Variants in RXRG observed in about 807,000 individuals in gnomAD.
RXRG encodes retinoid X receptor gamma.
A neutral mutation model predicts 49.2 loss-of-function variants in RXRG; 19 were observed. The ratio of observed to expected loss-of-function variants is 0.39; its 90% CI spans 0.27 to 0.57. The LOEUF (loss-of-function observed/expected upper bound fraction) is 0.57. RXRG is among the 20% of genes least tolerant of loss of function. RXRG has a pLI of 0.64. For synonymous variants in RXRG, 224 were observed against 216.6 expected, an observed-to-expected ratio of 1.03 and a Z score of -0.30; for missense variants, 452 against 592.5, an observed-to-expected ratio of 0.76 and a Z score of 2.46.
At chr1:165,426,472 G>A (rs765984966) in intron 2 of RXRG, among the ~76,000 whole-genome samples, 14 of 152,096 alleles carry the variant, frequency 9.2e-5, no homozygotes, top group African/African-American at 2.9e-4. Flanking sequence ...CTCTAAGGCC[G>A]TCTCCAAATT....
At chr1:165,443,387 T>C (rs887903922) in intron 1 of RXRG, among the ~76,000 whole-genome samples, 1 of 152,032 alleles carries the variant, frequency 6.6e-6, no homozygotes. Flanking sequence ...TTGAGGAGGC[T>C]TTTCACATCT....
chr1:165,416,225 A>G (rs1658122625), intron 4 of RXRG, among the ~76,000 whole-genome samples: 1 of 152,060 alleles, frequency 6.6e-6, no homozygotes, highest in Non-Finnish European at 1.5e-5. Flanking sequence ...TCTAAAATCT[A>G]TTAAGATTCA....
At chr1:165,428,525 G>A (rs1468101439) in intron 2 of RXRG, among the ~76,000 whole-genome samples, 194 bp downstream of exon 2, 5 of 152,218 alleles carry the variant, frequency 3.3e-5, no homozygotes, top group Admixed American at 1.3e-4. Context: ...ATGAGGAGTT[G>A]TCAGTTCTTC....
chr1:165,427,601 C>T (rs923476341), intron 2 of RXRG, among the ~76,000 whole-genome samples: 5 of 152,142 alleles, frequency 3.3e-5, no homozygotes, highest in Non-Finnish European at 7.3e-5. Flanking sequence ...TGCCACCACA[C>T]CGGGCTAATT....
intron 2 of RXRG, 26 bp from the exon 3 acceptor site, chr1:165,420,040 G>A (rs902225785): frequency 5.2e-6 from 8 of 1,550,132 alleles, no homozygotes; most frequent in African/African-American, 2.7e-5. Flanking sequence ...ATACTGTAAA[G>A]CACAGAGCCA....
At chr1:165,440,833 G>T (rs1658960300) in intron 1 of RXRG, among the ~76,000 whole-genome samples, 1 of 152,092 alleles carries the variant, frequency 6.6e-6, no homozygotes, top group Non-Finnish European at 1.5e-5. Flanking sequence ...GAAGAGGTGG[G>T]GCATTTAGAT....
In RXRG at chr1:165,425,181, T is replaced by C. The variant is rs193156635; in HGVS notation, c.297+3538A>G. ...TCTGAAGATGAATTGACTGGCCATG[T>C]TTGGCTCAATCAGACTTGAGTGTGG... is the stretch of plus-strand genomic sequence containing the variant. On this transcript the variant is annotated intron_variant, in intron 2 of 9. Coordinates refer to ENST00000359842, the MANE Select transcript of RXRG (RefSeq NM_006917.5). Among the ~76,000 whole-genome samples, 5 of 152,362 alleles carry C rather than the reference T, an allele frequency of 3.3e-5. No individual in the cohort carries two copies. The East Asian group carries it at 9.6e-4, about 29-fold the overall frequency.
chr1:165,413,516 A>G (rs999276027), intron 4 of RXRG, among the ~76,000 whole-genome samples: 3 of 152,076 alleles, frequency 2.0e-5, no homozygotes, highest in Non-Finnish European at 2.9e-5. Context: ...TGCACCCACA[A>G]TGGCTCCTCC....
chr1:165,420,923 G>A (rs1004486957), intron 2 of RXRG, among the ~76,000 whole-genome samples: 4 of 152,230 alleles, frequency 2.6e-5, no homozygotes, highest in South Asian at 2.1e-4. Flanking sequence ...ATGCATGTTC[G>A]TAATTGTCCA....
chr1:165,406,786 C>A (rs781199633), intron 9 of RXRG, 26 bp downstream of exon 9: 1 of 1,539,108 alleles, frequency 6.5e-7, no homozygotes, highest in Non-Finnish European at 9.0e-7. Context: ...GCTGCTGTTA[C>A]TACGATTCTG....
intron 2 of RXRG, among the ~76,000 whole-genome samples, chr1:165,427,737 C>T (rs993069144): frequency 1.3e-5 from 2 of 152,152 alleles, no homozygotes; most frequent in African/African-American, 2.4e-5. Context: ...CCACCGTGCC[C>T]GGCCTGAATC....
At chr1:165,442,141 G>A (rs930640333) in intron 1 of RXRG, among the ~76,000 whole-genome samples, 14 of 152,198 alleles carry the variant, frequency 9.2e-5, no homozygotes, top group African/African-American at 1.9e-4. Context: ...AATAAGTGCC[G>A]TGCAACTTGC....
chr1:165,430,372 T>C (rs1488020988), intron 1 of RXRG, among the ~76,000 whole-genome samples: 1 of 152,248 alleles, frequency 6.6e-6, no homozygotes, highest in Non-Finnish European at 1.5e-5. Flanking sequence ...AGTAGGATGC[T>C]AGGAGAAACT....
At chr1:165,436,532 T>C (rs1658821196) in intron 1 of RXRG, among the ~76,000 whole-genome samples, 1 of 152,190 alleles carries the variant, frequency 6.6e-6, no homozygotes, top group Non-Finnish European at 1.5e-5. Flanking sequence ...GATTCGCCTG[T>C]TCTTAAAGTG....
chr1:165,430,689 G>T (rs1658647378), intron 1 of RXRG, among the ~76,000 whole-genome samples: 1 of 152,218 alleles, frequency 6.6e-6, no homozygotes, highest in African/African-American at 2.4e-5. Flanking sequence ...ACAGGGGCAT[G>T]GCAAAGTGGT....
chr1:165,444,030 A>T (rs534002987), intron 1 of RXRG, among the ~76,000 whole-genome samples: 4 of 152,266 alleles, frequency 2.6e-5, no homozygotes, highest in African/African-American at 7.2e-5. Flanking sequence ...CACTAAATCA[A>T]GGGATCCTTG....
Position 165,401,475 on chromosome 1 carries a change from G to T in RXRG, c.1245-65C>A, listed in dbSNP as rs1657563591. The T allele has an allele frequency of 6.9e-6, 11 of 1,585,788 alleles. No homozygotes were observed. The South Asian group carries it at 8.9e-5, about 13-fold the overall frequency. ...AGGCACTGCACACCTGCACCTGCTG[G>T]CAGGAGGCCGTCCAATTGGCCTTCT... On this transcript the variant is annotated intron_variant, in intron 9 of 9. Transcript: ENST00000359842.
rs753336086 is a variant in RXRG, at chr1:165,419,874, G to T, written c.438C>A (p.Ser146=). The part of the protein sequence containing the change: ...KHICAICGDR[S]SGKHYGVYSC... ...AGTGTCTGCTTCTGCATGTACCTGA[G>T]GATCTGTCTCCACAGATGGCACAGA... is the stretch of plus-strand genomic sequence containing the variant. Residue 146 remains serine, a synonymous_variant, in exon 3 of 10, where the codon TCC becomes TCA. Coordinates refer to ENST00000359842, the MANE Select transcript of RXRG (RefSeq NM_006917.5). 1.2e-6 allele frequency: 2 copies of T among 1,606,436 alleles called. No homozygotes were observed. Among genetic ancestry groups the T allele is most frequent in the South Asian group, 2.2e-5 (2 of 89,760 alleles).
chr1:165,406,884 T>G lies in RXRG; in HGVS notation c.1172A>C (p.Glu391Ala), dbSNP rs1382607524. 1 of 1,613,802 alleles carries G rather than the reference T, an allele frequency of 6.2e-7. No homozygotes were observed. The highest frequency in any genetic ancestry group is 8.5e-7 in the Non-Finnish European group (1 of 1,179,950). The change falls in exon 9 of 10, where the codon GAG (glutamate) becomes GCG (alanine). Residue 391 changes from glutamate to alanine, a missense_variant. Glu to Ala is a moderately radical substitution (Grantham distance 107, BLOSUM62 -1). This residue lies in a region of RXRG where 286 missense variants were observed against 440.9 expected (regional missense o/e 0.65). Coordinates refer to ENST00000359842, the MANE Select transcript of RXRG (RefSeq NM_006917.5). ...GGCATAAACCTTCTCTCGCAGAGTC[T>G]CCACCTCAGAGGGGTTGGACAGGCC... The part of the protein sequence containing the change: ...AKGLSNPSEV[E>A]TLREKVYATL...
Sources: allele counts gnomAD v4.1 joint callset (sites outside exome capture counted in the v4.1 genomes callset), GRCh38; gene constraint gnomAD v4.1.1; regional missense constraint gnomAD v4.1.1; transcripts MANE v1.5; gene names NCBI Gene and HGNC (gene_info 2026-07-23, HGNC 2026-07-21).